Variants in CALN1 observed in about 807,000 individuals in gnomAD.
CALN1 encodes the protein calneuron 1.
In CALN1, 17 loss-of-function variants were observed where a neutral mutation model predicts 30.6. That is an observed-to-expected ratio of 0.56 (90% CI 0.38 to 0.83). CALN1 has a LOEUF of 0.83. Ranked by LOEUF, CALN1 falls within the 40% of genes least tolerant of loss-of-function variation. The pLI, the probability that CALN1 is intolerant of heterozygous loss-of-function variation, is 0.00. For synonymous variants in CALN1, 156 were observed against 131.4 expected (o/e 1.19, Z -1.28); for missense variants, 291 against 354.9 (o/e 0.82, Z 1.45).
chr7:72,487,852 AAGAG>A, the CALN1 span, among the ~76,000 whole-genome samples: 3 of 72,614 alleles, frequency 4.1e-5, no homozygotes, highest in African/African-American at 1.7e-4. Context: ...AAGAAAAAGA[AAGAG>A]AAAGAAAGAA....
At chr7:72,139,528 T>C (rs1809743236) in intron 3 of CALN1, among the ~76,000 whole-genome samples, 1 of 141,584 alleles carries the variant, frequency 7.1e-6, no homozygotes. Flanking sequence ...TCTAAGCACC[T>C]TGGCCATGTC....
chr7:72,078,047 C>T (rs1050147088), intron 4 of CALN1, among the ~76,000 whole-genome samples: 2 of 152,146 alleles, frequency 1.3e-5, no homozygotes, highest in Non-Finnish European at 2.9e-5. Flanking sequence ...ATAGCAATCC[C>T]GGCTAATGAC....
intron 5 of CALN1, among the ~76,000 whole-genome samples, chr7:71,971,276 C>T (rs1304493697): frequency 6.6e-6 from 1 of 152,134 alleles, no homozygotes. Flanking sequence ...TGGTGAAACC[C>T]CGTCTCTACT....
Position 71,796,250 on chromosome 7 carries a change from C to T in CALN1, c.659-8348G>A, listed in dbSNP as rs545496299. ...TTTGGGTACTATATGAGTCATGCCG[C>T]TATGAACATCCATGCACATGTTTAC... On this transcript the variant is annotated intron_variant, in intron 6 of 6. Coordinates refer to ENST00000395275, the MANE Select transcript of CALN1 (RefSeq NM_031468.4). Among the ~76,000 whole-genome samples, 417 of 152,072 alleles carry T rather than the reference C, an allele frequency of 2.7e-3. 1 individual carries two copies. The highest frequency in any genetic ancestry group is 4.8e-3 in the Non-Finnish European group (327 of 68,006).
chr7:71,862,940 A>G (rs1791375541), intron 5 of CALN1, among the ~76,000 whole-genome samples: 1 of 152,206 alleles, frequency 6.6e-6, no homozygotes. Context: ...TGTGGCTTGA[A>G]TGAACTTCAA....
At chr7:72,036,052 T>C (rs1356835675) in intron 4 of CALN1, among the ~76,000 whole-genome samples, 2 of 152,218 alleles carry the variant, frequency 1.3e-5, no homozygotes, top group Non-Finnish European at 1.5e-5. Flanking sequence ...CTCCCTCAGA[T>C]TTTTGTTTAT....
chr7:71,883,356 A>C (rs576288263), intron 5 of CALN1, among the ~76,000 whole-genome samples: 14 of 152,290 alleles, frequency 9.2e-5, no homozygotes, highest in African/African-American at 3.4e-4. Context: ...TGAGACCAGC[A>C]TAAACAACAT....
At chr7:72,141,563 C>T (rs1328076752) in intron 3 of CALN1, among the ~76,000 whole-genome samples, 2 of 152,068 alleles carry the variant, frequency 1.3e-5, no homozygotes, top group African/African-American at 4.8e-5. Context: ...TCAGATGATG[C>T]TAACATCACC....
intron 2 of CALN1, among the ~76,000 whole-genome samples, chr7:72,400,617 C>T (rs976971889): frequency 6.6e-6 from 1 of 152,204 alleles, no homozygotes; most frequent in Non-Finnish European, 1.5e-5. Flanking sequence ...AGCCTATAAT[C>T]CCAGCACTTT....
At chr7:72,396,846 G>A (rs1027985688) in intron 2 of CALN1, among the ~76,000 whole-genome samples, 1 of 152,178 alleles carries the variant, frequency 6.6e-6, no homozygotes, top group African/African-American at 2.4e-5. Context: ...TTGAAGGTTA[G>A]AAGTATATAG....
the CALN1 span, among the ~76,000 whole-genome samples, chr7:72,490,383 C>T: frequency 6.6e-6 from 1 of 152,204 alleles, no homozygotes; most frequent in Non-Finnish European, 1.5e-5. Flanking sequence ...AGAGCAATGA[C>T]TCTGGAGTCA....
At chr7:72,256,334 C>G (rs1006880371) in intron 3 of CALN1, among the ~76,000 whole-genome samples, 24 of 152,032 alleles carry the variant, frequency 1.6e-4, no homozygotes, top group Non-Finnish European at 3.1e-4. Flanking sequence ...GTGACATGGG[C>G]CTGTGGTCCC....
chr7:72,136,032 C>T (rs949717608), intron 3 of CALN1, among the ~76,000 whole-genome samples: 13 of 152,002 alleles, frequency 8.6e-5, no homozygotes, highest in Non-Finnish European at 1.8e-4. Context: ...ACTTGGGAGG[C>T]TGAGGCAGGG....
intron 2 of CALN1, among the ~76,000 whole-genome samples, chr7:72,374,966 T>TC (rs1377254639): frequency 6.6e-6 from 1 of 152,170 alleles, no homozygotes; most frequent in Non-Finnish European, 1.5e-5. Context: ...GATCTAATTT[T>TC]CCCTGTATGT....
At chr7:72,237,939 T>C (rs895846144) in intron 3 of CALN1, among the ~76,000 whole-genome samples, 3 of 152,152 alleles carry the variant, frequency 2.0e-5, no homozygotes, top group African/African-American at 7.2e-5. Context: ...AGCAAATGCA[T>C]AAAGGACAAG....
chr7:72,466,240 G>GGT, the CALN1 span, among the ~76,000 whole-genome samples: 1,676 of 150,356 alleles, frequency 0.011, 34 homozygotes, highest in African/African-American at 0.037. Flanking sequence ...TGAGATGTGT[G>GGT]GTGTGTGTGT....
intron 6 of CALN1, among the ~76,000 whole-genome samples, chr7:71,804,057 G>C (rs749007555): frequency 6.6e-6 from 1 of 152,020 alleles, no homozygotes; most frequent in Non-Finnish European, 1.5e-5. Context: ...CCCATCAAAA[G>C]TGCCACAATC....
chr7:71,870,347 C>T (rs559090134), intron 5 of CALN1, among the ~76,000 whole-genome samples: 5 of 151,244 alleles, frequency 3.3e-5, no homozygotes, highest in African/African-American at 9.7e-5. Context: ...GGCACCATTG[C>T]ACTCCAGCTG....
chr7:72,287,983 G>T (rs1002890304), intron 2 of CALN1, among the ~76,000 whole-genome samples: 5 of 151,998 alleles, frequency 3.3e-5, no homozygotes, highest in Non-Finnish European at 7.4e-5. Context: ...GTATATAATA[G>T]TTATTTATTG....
Sources: allele counts gnomAD v4.1 joint callset (sites outside exome capture counted in the v4.1 genomes callset), GRCh38; gene constraint gnomAD v4.1.1; transcripts MANE v1.5; gene names NCBI Gene and HGNC (gene_info 2026-07-23, HGNC 2026-07-21).